The following MALRD1 variants were observed in gnomAD, a reference collection of about 807,000 sequenced individuals.
MALRD1 encodes the protein MAM and LDL receptor class A domain containing 1.
Under a neutral mutation model 242.1 loss-of-function variants are expected in MALRD1, and 247 were observed. The observed-to-expected ratio is 1.02, with a 90% confidence interval of 0.92 to 1.13. The LOEUF (loss-of-function observed/expected upper bound fraction) is 1.13, where lower values mean the gene tolerates loss of function less well. MALRD1 is among the 50% of genes most tolerant of loss of function. MALRD1 has a pLI of 0.00. For synonymous variants in MALRD1, 995 were observed against 866.6 expected, an observed-to-expected ratio of 1.15 and a Z score of -2.60; for missense variants, 2,989 against 2,533.1, an observed-to-expected ratio of 1.18 and a Z score of -3.86.
chr10:19,203,766 T>C lies in MALRD1; in HGVS notation c.1990T>C (p.Phe664Leu), dbSNP rs1001084793. 14 of 1,549,574 alleles carry C rather than the reference T, an allele frequency of 9.0e-6. No homozygotes were observed. Among genetic ancestry groups the C allele is most frequent in the Non-Finnish European group, 1.7e-6 (2 of 1,146,280 alleles). ...CTTTGAAGCAAACAGCTGTGATTGG[T>C]TTGAAGCAATTAGTGGTGACCATTT... is the stretch of plus-strand genomic sequence containing the variant. ...CDFEANSCDWFEAISGDHFDW... is the reference protein window; with the variant it reads ...CDFEANSCDWLEAISGDHFDW... Residue 664 changes from phenylalanine to leucine, a missense_variant, in exon 15 of 40, where the codon TTT becomes CTT. Phe to Leu is a conservative substitution (Grantham distance 22, BLOSUM62 0). Coordinates refer to ENST00000454679, the MANE Select transcript of MALRD1 (RefSeq NM_001142308.3).
intron 36 of MALRD1, among the ~76,000 whole-genome samples, chr10:19,634,440 A>T (rs1375593094): frequency 6.6e-6 from 1 of 152,144 alleles, no homozygotes; most frequent in East Asian, 1.9e-4. Flanking sequence ...CCATCACATT[A>T]TTGGTTTACC....
At chr10:19,234,492 T>C (rs1398034504) in intron 18 of MALRD1, among the ~76,000 whole-genome samples, 2 of 152,148 alleles carry the variant, frequency 1.3e-5, no homozygotes, top group African/African-American at 4.8e-5. Flanking sequence ...TTTCTCTCTT[T>C]TCAGTATCAA....
chr10:19,720,357 TAAAA>T (rs1179422982), intron 38 of MALRD1, among the ~76,000 whole-genome samples: 30 of 152,230 alleles, frequency 2.0e-4, no homozygotes, highest in Non-Finnish European at 1.5e-4. Context: ...GCTGATTTTC[TAAAA>T]TAATGTGGTT....
At chr10:19,544,244 C>T (rs1034824950) in intron 32 of MALRD1, among the ~76,000 whole-genome samples, 1 of 151,868 alleles carries the variant, frequency 6.6e-6, no homozygotes. Flanking sequence ...GGCCGAAATG[C>T]GATGGTGTGA....
intron 14 of MALRD1, among the ~76,000 whole-genome samples, chr10:19,188,256 C>T (rs1201298140): frequency 6.6e-6 from 1 of 152,142 alleles, no homozygotes; most frequent in Non-Finnish European, 1.5e-5. Context: ...TTGATAGTTG[C>T]TAAGCAAGGA....
At chr10:19,265,002 T>C (rs944797989) in intron 19 of MALRD1, among the ~76,000 whole-genome samples, 1 of 152,298 alleles carries the variant, frequency 6.6e-6, no homozygotes, top group African/African-American at 2.4e-5. Flanking sequence ...TAGGAATTTA[T>C]CTATTTCTTT....
At chr10:19,455,754 A>G (rs778207573) in intron 29 of MALRD1, among the ~76,000 whole-genome samples, 27 of 152,172 alleles carry the variant, frequency 1.8e-4, no homozygotes, top group Non-Finnish European at 2.9e-4. Flanking sequence ...TCATTTTCAC[A>G]TGTTCCACAA....
chr10:19,077,140 T>A (rs1034451026), intron 2 of MALRD1, among the ~76,000 whole-genome samples: 1 of 151,988 alleles, frequency 6.6e-6, no homozygotes, highest in Non-Finnish European at 1.5e-5. Flanking sequence ...GTATATTGAT[T>A]TTATATCCTA....
At chr10:19,572,435 A>G (rs1440493713) in intron 33 of MALRD1, among the ~76,000 whole-genome samples, 1 of 152,182 alleles carries the variant, frequency 6.6e-6, no homozygotes, top group Non-Finnish European at 1.5e-5. Context: ...AATATTTGAA[A>G]CAACAACGGC....
intron 5 of MALRD1, among the ~76,000 whole-genome samples, chr10:19,117,178 C>T (rs559990736): frequency 6.6e-6 from 1 of 151,554 alleles, no homozygotes; most frequent in South Asian, 2.1e-4. Context: ...TAACTGACAT[C>T]TTTAAATAGC....
chr10:19,056,766 C>G lies in MALRD1; in HGVS notation c.199+7629C>G, dbSNP rs189462752. Among the ~76,000 whole-genome samples the G allele has an allele frequency of 1.2e-4, 18 of 152,220 alleles. 1 individual carries two copies. Among genetic ancestry groups the G allele is most frequent in the Admixed American group, 1.1e-3 (17 of 15,276 alleles). ...TAGGTATTTTTGTTTTGTCCCTGAT[C>G]TTAGCAAGAAAAGTTTTTAACATTT... is the stretch of plus-strand genomic sequence containing the variant. On this transcript the variant is annotated intron_variant, in intron 1 of 39. Transcript: ENST00000454679.
chr10:19,678,185 G>GT (rs1424934119), intron 36 of MALRD1, among the ~76,000 whole-genome samples: 3 of 152,104 alleles, frequency 2.0e-5, no homozygotes, highest in Non-Finnish European at 4.4e-5. Context: ...TTTTAAGGTA[G>GT]TTTTTTCTAA....
At chr10:19,062,434 C>A (rs1364008126) in intron 1 of MALRD1, among the ~76,000 whole-genome samples, 6 of 152,124 alleles carry the variant, frequency 3.9e-5, no homozygotes, top group Non-Finnish European at 8.8e-5. Flanking sequence ...TTGATATATA[C>A]CCCAAGGAAA....
chr10:19,370,531 A>G (rs1473783379), intron 26 of MALRD1, among the ~76,000 whole-genome samples: 4 of 152,148 alleles, frequency 2.6e-5, no homozygotes, highest in Non-Finnish European at 5.9e-5. Context: ...TAATTTTTAT[A>G]TGATACTTTT....
chr10:19,310,176 A>G (rs1842369480), intron 21 of MALRD1, among the ~76,000 whole-genome samples: 1 of 151,454 alleles, frequency 6.6e-6, no homozygotes. Flanking sequence ...TGCAAAGAGT[A>G]GGGTCATAAA....
At chr10:19,371,440 T>G (rs976970377) in intron 26 of MALRD1, among the ~76,000 whole-genome samples, 2 of 152,084 alleles carry the variant, frequency 1.3e-5, no homozygotes, top group Non-Finnish European at 2.9e-5. Flanking sequence ...TTTTGTCAAA[T>G]CACCTTTTGA....
intron 29 of MALRD1, among the ~76,000 whole-genome samples, chr10:19,483,198 G>A (rs1189656544): frequency 5.2e-5 from 4 of 76,568 alleles, no homozygotes; most frequent in African/African-American, 1.8e-4. Flanking sequence ...GAAACTATAA[G>A]AATCCTAGAA....
chr10:19,314,358 A>C (rs1281424627), intron 21 of MALRD1, among the ~76,000 whole-genome samples: 1 of 151,578 alleles, frequency 6.6e-6, no homozygotes, highest in African/African-American at 2.4e-5. Context: ...ATGAGGGTAC[A>C]TTTGAAATAT....
chr10:19,364,294 A>C (rs1845021884), intron 26 of MALRD1, among the ~76,000 whole-genome samples: 1 of 152,174 alleles, frequency 6.6e-6, no homozygotes, highest in Admixed American at 6.6e-5. Context: ...TGCTAACTTA[A>C]AATGAATACC....
Sources: gnomAD v4.1 joint callset for allele counts (sites outside exome capture counted in the v4.1 genomes callset) on GRCh38, gnomAD v4.1.1 for gene constraint, MANE v1.5 for transcripts, NCBI Gene and HGNC (gene_info 2026-07-23, HGNC 2026-07-21) for gene names.